Variants in MEI1 observed in about 807,000 individuals in gnomAD.
MEI1 encodes the protein meiotic double-stranded break formation protein 1.
MEI1 carries 103 observed loss-of-function variants against 146.2 expected under a neutral mutation model. That is an observed-to-expected ratio of 0.70 (90% CI 0.60 to 0.83). MEI1 has a LOEUF of 0.83. Ranked by LOEUF, MEI1 falls within the 40% of genes least tolerant of loss-of-function variation. The pLI, the probability that MEI1 is intolerant of heterozygous loss-of-function variation, is 0.00. For missense variants in MEI1, 1,529 were observed against 1,533.0 expected (o/e 1.00, Z 0.04); for synonymous variants, 652 against 628.2 (o/e 1.04, Z -0.57).
Position 41,718,154 on chromosome 22 carries a change from C to G in MEI1, c.613C>G (p.Leu205Val). 1.2e-6 allele frequency: 2 copies of G among 1,613,904 alleles called. No individual in the cohort carries two copies. ...QASVCYLYGKLYSSPVAAEML... is the reference protein window; with the variant it reads ...QASVCYLYGKVYSSPVAAEML... ...TTCTGTCTGTTACCTTTATGGGAAG[C>G]TATACTCCTCACCAGTGGCAGCTGA... Residue 205 changes from leucine to valine, a missense_variant, in exon 6 of 31, where the codon CTA becomes GTA. Leu to Val is a conservative substitution (Grantham distance 32, BLOSUM62 1). Around this residue, in one of 3 missense-constraint regions of MEI1, gnomAD observed 1,212 missense variants for 1,178.9 expected, o/e 1.03. Transcript: ENST00000401548.
intron 19 of MEI1, among the ~76,000 whole-genome samples, chr22:41,766,651 A>G (rs1034979452): frequency 6.6e-5 from 10 of 152,122 alleles, no homozygotes; most frequent in African/African-American, 2.2e-4. Context: ...AGCTCAAGCA[A>G]TATTCCCACC....
chr22:41,785,497 C>T (rs1194738924), intron 26 of MEI1, among the ~76,000 whole-genome samples: 1 of 151,560 alleles, frequency 6.6e-6, no homozygotes, highest in African/African-American at 2.4e-5. Context: ...CTCCTGATTT[C>T]ATGATCCTCC....
chr22:41,700,525 T>TTCATCATGTTGGC (rs1353604052), intron 1 of MEI1, among the ~76,000 whole-genome samples: 2 of 152,080 alleles, frequency 1.3e-5, no homozygotes, highest in African/African-American at 4.8e-5. Context: ...GAGACGGAGT[T>TTCATCATGTTGGC]TCATCATGTT....
intron 18 of MEI1, among the ~76,000 whole-genome samples, chr22:41,758,837 A>G (rs2074268421): frequency 6.6e-6 from 1 of 152,148 alleles, no homozygotes; most frequent in South Asian, 2.1e-4. Flanking sequence ...ATTACTGTTC[A>G]ATTTATTACA....
chr22:41,714,115 C>A, intron 4 of MEI1, 40 bp downstream of exon 4: 3 of 1,541,992 alleles, frequency 1.9e-6, no homozygotes, highest in Non-Finnish European at 2.6e-6. Context: ...TCTCAGAATC[C>A]TCAGATGTCA....
chr22:41,702,260 C>G (rs998234383), intron 1 of MEI1, among the ~76,000 whole-genome samples: 7 of 152,016 alleles, frequency 4.6e-5, no homozygotes, highest in Admixed American at 2.6e-4. Context: ...TCTGCCTCAG[C>G]CTTCTGAGTA....
intron 11 of MEI1, among the ~76,000 whole-genome samples, chr22:41,738,502 G>T (rs943104092): frequency 2.6e-5 from 4 of 151,872 alleles, no homozygotes; most frequent in African/African-American, 9.7e-5. Flanking sequence ...CAGGAGAATC[G>T]CTTGAACCTG....
intron 4 of MEI1, among the ~76,000 whole-genome samples, chr22:41,715,402 T>A (rs917433989): frequency 2.0e-5 from 3 of 151,942 alleles, no homozygotes; most frequent in African/African-American, 7.3e-5. Context: ...CAATAATTTT[T>A]TTTTTTTTTT....
chr22:41,702,476 T>C (rs2068782090), intron 1 of MEI1, among the ~76,000 whole-genome samples: 1 of 144,216 alleles, frequency 6.9e-6, no homozygotes, highest in Non-Finnish European at 1.5e-5. Context: ...TTTGAGACAG[T>C]TTTCCTCTTG....
intron 7 of MEI1, among the ~76,000 whole-genome samples, chr22:41,725,317 C>G (rs966314841): frequency 6.6e-6 from 1 of 151,820 alleles, no homozygotes; most frequent in Non-Finnish European, 1.5e-5. Context: ...CTTCACCATG[C>G]TGGCCAGGCT....
At chr22:41,760,664 G>A (rs2074424590) in intron 18 of MEI1, among the ~76,000 whole-genome samples, 1 of 152,214 alleles carries the variant, frequency 6.6e-6, no homozygotes, top group African/African-American at 2.4e-5. Context: ...AGCTCTCCAA[G>A]TGCACAATTT....
intron 11 of MEI1, among the ~76,000 whole-genome samples, chr22:41,735,692 T>C (rs1317141411): frequency 6.6e-6 from 1 of 152,232 alleles, no homozygotes; most frequent in Admixed American, 6.5e-5. Flanking sequence ...ATTTATATCT[T>C]GAAAGAAAAT....
At chr22:41,789,491 A>C (rs2076101349) in intron 26 of MEI1, among the ~76,000 whole-genome samples, 1 of 152,114 alleles carries the variant, frequency 6.6e-6, no homozygotes, top group Non-Finnish European at 1.5e-5. Flanking sequence ...AACTATATAT[A>C]ACATACAATT....
At chr22:41,714,497 G>T (rs1257912492) in intron 4 of MEI1, among the ~76,000 whole-genome samples, 1 of 152,062 alleles carries the variant, frequency 6.6e-6, no homozygotes, top group African/African-American at 2.4e-5. Context: ...AGCTTACTTT[G>T]TACTGAAGGC....
chr22:41,720,392 G>A (rs2070658514), intron 6 of MEI1, among the ~76,000 whole-genome samples: 1 of 152,070 alleles, frequency 6.6e-6, no homozygotes. Context: ...ATCTCAACTG[G>A]TTATACTGGG....
chr22:41,775,657 G>C (rs1027731809), intron 20 of MEI1, among the ~76,000 whole-genome samples: 2 of 149,662 alleles, frequency 1.3e-5, no homozygotes, highest in East Asian at 2.0e-4. Context: ...GCAGTAGTGC[G>C]ATCTCGGCTC....
chr22:41,753,857 A>G, intron 16 of MEI1, 92 bp from the exon 17 acceptor site: 1 of 893,768 alleles, frequency 1.1e-6, no homozygotes. Flanking sequence ...TCTGGCACAA[A>G]GCAGTGGTGC....
chr22:41,795,023 G>A lies in MEI1; in HGVS notation c.3535-388G>A, dbSNP rs745497347. On this transcript the variant is annotated intron_variant, in intron 28 of 30. Coordinates refer to ENST00000401548, the MANE Select transcript of MEI1 (RefSeq NM_152513.4). This position sits in a 1 kb window ranked among gnomAD's most constrained non-coding sequence, Gnocchi z 4.2. The stretch of plus-strand genomic sequence containing the variant: ...CAGCAGTGAAGGTAACATTTTAGCT[G>A]TGGCTTGAGAGATTAATAGGCAGAG... 5.9e-5 allele frequency among the ~76,000 whole-genome samples: 9 copies of A among 152,234 alleles called. No individual in the cohort carries two copies. Among genetic ancestry groups the A allele is most frequent in the Non-Finnish European group, 8.8e-5 (6 of 68,044 alleles).
intron 17 of MEI1, 95 bp from the exon 18 acceptor site, chr22:41,758,270 C>A: frequency 1.7e-6 from 2 of 1,194,722 alleles, no homozygotes; most frequent in East Asian, 2.4e-5. Context: ...CCTTGCTGCC[C>A]TGTGCAGTAC....
Sources: gnomAD v4.1 joint callset for allele counts (sites outside exome capture counted in the v4.1 genomes callset) on GRCh38, gnomAD v4.1.1 for gene constraint, gnomAD v4.1.1 regional missense constraint, Gnocchi (gnomAD v3.1) non-coding constraint, MANE v1.5 for transcripts, NCBI Gene and HGNC (gene_info 2026-07-23, HGNC 2026-07-21) for gene names.